RSRC1: variants seen among roughly 807,000 people sequenced by gnomAD.
RSRC1 encodes the protein arginine and serine rich coiled-coil 1, also known as serine/Arginine-related protein 53.
In RSRC1, 39 loss-of-function variants were observed where a neutral mutation model predicts 49.1. The ratio of observed to expected loss-of-function variants is 0.79; its 90% CI spans 0.61 to 1.04. The LOEUF (loss-of-function observed/expected upper bound fraction) is 1.04. RSRC1 is among the 50% of genes least tolerant of loss of function. The probability of loss-of-function intolerance (pLI) is 0.00; values close to 1 mark genes in which losing one functional copy is unlikely to be tolerated. For missense variants in RSRC1, 388 were observed against 402.4 expected (o/e 0.96, Z 0.31); for synonymous variants, 143 against 130.8 (o/e 1.09, Z -0.63).
intron 3 of RSRC1, among the ~76,000 whole-genome samples, chr3:158,198,940 C>A (rs553923479): frequency 6.5e-4 from 99 of 152,272 alleles, no homozygotes; most frequent in African/African-American, 2.2e-3. Context: ...CCATGTAATT[C>A]TCTTAAAGAC....
chr3:158,257,414 G>A (rs768086048), intron 4 of RSRC1, among the ~76,000 whole-genome samples: 36 of 151,986 alleles, frequency 2.4e-4, no homozygotes, highest in Non-Finnish European at 4.3e-4. Flanking sequence ...TCTTGTTTTA[G>A]GTTTTGTTTA....
At chr3:158,115,186 G>GTTATCTTTCA (rs1247567591) in intron 1 of RSRC1, among the ~76,000 whole-genome samples, 2 of 151,940 alleles carry the variant, frequency 1.3e-5, no homozygotes, top group Non-Finnish European at 1.5e-5. Context: ...AAGGACTTTT[G>GTTATCTTTCA]TTATCTTTCA....
chr3:158,318,414 T>G (rs1728585586), intron 5 of RSRC1, among the ~76,000 whole-genome samples: 2 of 152,206 alleles, frequency 1.3e-5, no homozygotes, highest in Non-Finnish European at 2.9e-5. Flanking sequence ...TACTGTTTAG[T>G]TTGAACCATT....
chr3:158,535,246 A>G (rs1712655952), intron 7 of RSRC1, among the ~76,000 whole-genome samples: 2 of 151,418 alleles, frequency 1.3e-5, no homozygotes. Flanking sequence ...GTGTTAATAC[A>G]TCTTGTTATT....
chr3:158,531,304 G>A (rs1712388943), intron 7 of RSRC1, among the ~76,000 whole-genome samples: 1 of 151,900 alleles, frequency 6.6e-6, no homozygotes, highest in African/African-American at 2.4e-5. Flanking sequence ...AAATGACAGG[G>A]AGGATTAAGA....
chr3:158,515,772 A>G (rs146095844), intron 7 of RSRC1, among the ~76,000 whole-genome samples: 7,883 of 151,360 alleles, frequency 0.052, 299 homozygotes, highest in Middle Eastern at 0.082. Flanking sequence ...ACATAGTCCC[A>G]TATTTCTTGG....
intron 5 of RSRC1, among the ~76,000 whole-genome samples, chr3:158,328,786 C>A (rs981785068): frequency 6.6e-6 from 1 of 152,130 alleles, no homozygotes; most frequent in African/African-American, 2.4e-5. Context: ...GTTGGCCTGC[C>A]TTGCTAGGGT....
intron 3 of RSRC1, among the ~76,000 whole-genome samples, chr3:158,167,870 GTT>G (rs1189734288): frequency 6.6e-6 from 1 of 152,102 alleles, no homozygotes; most frequent in Non-Finnish European, 1.5e-5. Context: ...TTCACTTGCT[GTT>G]TTTTGGATCT....
intron 7 of RSRC1, 41 bp from the exon 8 acceptor site, chr3:158,537,051 G>A (rs1712750491): frequency 7.6e-7 from 1 of 1,316,628 alleles, no homozygotes; most frequent in Non-Finnish European, 1.1e-6. Flanking sequence ...TTATTAACAT[G>A]CTTACACCAA....
At chr3:158,196,422 G>C (rs544413563) in intron 3 of RSRC1, among the ~76,000 whole-genome samples, 1 of 152,128 alleles carries the variant, frequency 6.6e-6, no homozygotes, top group African/African-American at 2.4e-5. Flanking sequence ...GGATTTTCTA[G>C]ATATACAATC....
intron 7 of RSRC1, among the ~76,000 whole-genome samples, chr3:158,469,886 A>G (rs1356077215): frequency 6.6e-6 from 1 of 152,128 alleles, no homozygotes; most frequent in Non-Finnish European, 1.5e-5. Context: ...TTATGTTAGC[A>G]TTAGTAAGAC....
intron 7 of RSRC1, among the ~76,000 whole-genome samples, chr3:158,479,348 T>C (rs1332472204): frequency 1.3e-5 from 2 of 151,578 alleles, no homozygotes; most frequent in Admixed American, 1.3e-4. Context: ...AGCCCAATGA[T>C]TGTTATTCAG....
chr3:158,300,359 A>T (rs1201471887), intron 5 of RSRC1, among the ~76,000 whole-genome samples: 1 of 152,212 alleles, frequency 6.6e-6, no homozygotes, highest in Non-Finnish European at 1.5e-5. Flanking sequence ...CTGTTTATCC[A>T]TCCATTCATC....
chr3:158,398,980 TTG>T (rs953143108), intron 6 of RSRC1, among the ~76,000 whole-genome samples: 14 of 146,914 alleles, frequency 9.5e-5, no homozygotes, highest in Admixed American at 3.3e-4. Flanking sequence ...GTGTTTGTAT[TTG>T]TGTGTGTGTG....
intron 6 of RSRC1, among the ~76,000 whole-genome samples, chr3:158,373,582 T>C (rs1431987992): frequency 6.6e-6 from 1 of 151,988 alleles, no homozygotes; most frequent in Non-Finnish European, 1.5e-5. Flanking sequence ...GAAACATCAC[T>C]TGGGCATGAT....
At chr3:158,126,328 T>G (rs758410620) in intron 3 of RSRC1, among the ~76,000 whole-genome samples, 1 of 152,118 alleles carries the variant, frequency 6.6e-6, no homozygotes, top group Non-Finnish European at 1.5e-5. Context: ...GTTTTGTTGA[T>G]TTTTGTATTG....
intron 7 of RSRC1, among the ~76,000 whole-genome samples, chr3:158,498,587 A>G (rs1046747725): frequency 3.3e-5 from 5 of 151,952 alleles, no homozygotes; most frequent in Admixed American, 6.5e-5. Flanking sequence ...AGTCCCAACT[A>G]TTTATCTTTG....
intron 4 of RSRC1, among the ~76,000 whole-genome samples, chr3:158,210,639 AT>A (rs890112596): frequency 5.3e-5 from 8 of 152,046 alleles, no homozygotes; most frequent in Non-Finnish European, 8.8e-5. Context: ...GTTGTTGGCC[AT>A]TTTATATTAC....
chr3:158,312,712 T>C (rs1379471901), intron 5 of RSRC1, among the ~76,000 whole-genome samples: 1 of 152,190 alleles, frequency 6.6e-6, no homozygotes, highest in Non-Finnish European at 1.5e-5. Flanking sequence ...GCCTTGGTTC[T>C]CATCCCTAAT....
Sources: gnomAD v4.1 joint callset for allele counts (sites outside exome capture counted in the v4.1 genomes callset) on GRCh38, gnomAD v4.1.1 for gene constraint, MANE v1.5 for transcripts, NCBI Gene and HGNC (gene_info 2026-07-23, HGNC 2026-07-21) for gene names.